MAST4: variants seen among roughly 807,000 people sequenced by gnomAD.
MAST4 encodes microtubule associated serine/threonine kinase family member 4.
MAST4 carries 89 observed loss-of-function variants against 162.7 expected under a neutral mutation model. The ratio of observed to expected loss-of-function variants is 0.55; its 90% CI spans 0.46 to 0.65. MAST4 has a LOEUF of 0.65. MAST4 is among the 30% of genes least tolerant of loss of function. The pLI, the probability that MAST4 is intolerant of heterozygous loss-of-function variation, is 0.00. For synonymous variants in MAST4, 1,479 were observed against 1,361.1 expected (o/e 1.09, Z -1.91); for missense variants, 3,153 against 3,374.0 (o/e 0.93, Z 1.62).
intron 3 of MAST4, among the ~76,000 whole-genome samples, chr5:66,820,470 T>C (rs1219974169): frequency 6.6e-6 from 1 of 152,248 alleles, no homozygotes; most frequent in African/African-American, 2.4e-5. Context: ...TATGGGACTT[T>C]GCTAAATATT....
chr5:66,846,993 A>G (rs1758901039), intron 3 of MAST4, among the ~76,000 whole-genome samples: 1 of 152,168 alleles, frequency 6.6e-6, no homozygotes, highest in South Asian at 2.1e-4. Context: ...TGCCTTCTTT[A>G]TCAGCCCCCT....
intron 4 of MAST4, among the ~76,000 whole-genome samples, chr5:66,907,801 TTTCA>T (rs1763484266): frequency 6.6e-6 from 1 of 152,130 alleles, no homozygotes. Flanking sequence ...TTTGTGAGAT[TTTCA>T]GCAAAGTAAA....
At chr5:66,945,542 G>GTAAA (rs1206749118) in intron 4 of MAST4, among the ~76,000 whole-genome samples, 1 of 152,016 alleles carries the variant, frequency 6.6e-6, no homozygotes, top group African/African-American at 2.4e-5. Context: ...TGCCTTTTGT[G>GTAAA]GGGACTGCCC....
Position 66,959,246 on chromosome 5 carries a change from C to A in MAST4, c.674+59264C>A. 5 of 779,684 alleles carry A rather than the reference C, an allele frequency of 6.4e-6. No individual in the cohort carries two copies. The East Asian group carries it at 1.2e-4, about 19-fold the overall frequency. The allele number at this position is 779,684 out of a possible 1,614,324, so 48.3% of individuals were successfully genotyped here. ...AATAGAGTGTGCTAACATATAACAACCATGAAAGCCCAGCGGGAAAGGCTA... is the reference window on the plus strand; with the variant it reads ...AATAGAGTGTGCTAACATATAACAAACATGAAAGCCCAGCGGGAAAGGCTA... On this transcript the variant is annotated intron_variant, in intron 4 of 28. Coordinates refer to ENST00000403625, the MANE Select transcript of MAST4 (RefSeq NM_001164664.2).
chr5:66,718,601 G>A (rs924432609), intron 1 of MAST4, among the ~76,000 whole-genome samples: 2 of 152,198 alleles, frequency 1.3e-5, no homozygotes, highest in African/African-American at 4.8e-5. Context: ...ATCTATTACA[G>A]TGTTGTTTTT....
chr5:66,670,701 C>T (rs1433016545), intron 1 of MAST4, among the ~76,000 whole-genome samples: 3 of 151,794 alleles, frequency 2.0e-5, no homozygotes, highest in African/African-American at 4.8e-5. Flanking sequence ...AGAGTAAGTT[C>T]CCAAGAAGAT....
chr5:67,092,664 C>A (rs35316512), intron 6 of MAST4, among the ~76,000 whole-genome samples: 3 of 152,270 alleles, frequency 2.0e-5, no homozygotes, highest in South Asian at 2.1e-4. Context: ...AAACATAGAG[C>A]CCTCCAAGAA....
At chr5:66,911,280 G>A (rs1217685920) in intron 4 of MAST4, among the ~76,000 whole-genome samples, 1 of 152,178 alleles carries the variant, frequency 6.6e-6, no homozygotes, top group Admixed American at 6.5e-5. Context: ...ATTTGCATGA[G>A]AGGAAAAAGT....
chr5:67,167,264 CAAAAAAAAAAAAAAAAA>C lies in MAST4; in HGVS notation c.*226_*242del, dbSNP rs34486167. 4 of 79,450 alleles carry C rather than the reference CAAAAAAAAAAAAAAAAA, an allele frequency of 5.0e-5. No homozygotes were observed. The highest frequency in any genetic ancestry group is 7.9e-4 in the East Asian group (2 of 2,534). 4.9% of individuals were successfully genotyped at this position (79,450 alleles called of 1,614,324 possible). On this transcript the variant is annotated 3_prime_UTR_variant, in exon 29 of 29. Coordinates refer to ENST00000403625, the MANE Select transcript of MAST4 (RefSeq NM_001164664.2). ...AAACTGTTACCAGATAGTGTTTGTA[CAAAAAAAAAAAAAAAAA>C]AAAAAAAAAAAATTACCTTTACAGT...
intron 4 of MAST4, among the ~76,000 whole-genome samples, chr5:67,035,384 T>C (rs1019259901): frequency 6.6e-6 from 1 of 152,178 alleles, no homozygotes; most frequent in Non-Finnish European, 1.5e-5. Context: ...ATACAGTATA[T>C]TGATAATTTC....
At chr5:66,744,646 G>A (rs528836378) in intron 1 of MAST4, among the ~76,000 whole-genome samples, 1 of 152,234 alleles carries the variant, frequency 6.6e-6, no homozygotes, top group African/African-American at 2.4e-5. Context: ...TACATGGCAG[G>A]AACAGGAGCA....
intron 24 of MAST4, among the ~76,000 whole-genome samples, chr5:67,151,282 G>A (rs998077880): frequency 1.3e-5 from 2 of 152,190 alleles, no homozygotes; most frequent in African/African-American, 4.8e-5. Context: ...CAAGATCAAG[G>A]TGGCGACAGT....
chr5:66,968,063 T>C (rs1027783978), intron 4 of MAST4, among the ~76,000 whole-genome samples: 18 of 152,198 alleles, frequency 1.2e-4, no homozygotes, highest in Non-Finnish European at 2.5e-4. Flanking sequence ...TCATTTCACA[T>C]TCTCAGTGGC....
chr5:66,715,525 TG>T (rs1261034153), intron 1 of MAST4, among the ~76,000 whole-genome samples: 8 of 33,982 alleles, frequency 2.4e-4, no homozygotes, highest in East Asian at 1.2e-3. Flanking sequence ...TGTTGTGGGG[TG>T]GGGGGAGGGG....
intron 1 of MAST4, among the ~76,000 whole-genome samples, chr5:66,620,191 G>A (rs1490099117): frequency 1.3e-5 from 2 of 151,974 alleles, no homozygotes; most frequent in South Asian, 2.1e-4. Flanking sequence ...CCCTGGTATA[G>A]TAGAAGGTGG....
intron 1 of MAST4, among the ~76,000 whole-genome samples, chr5:66,672,849 T>G (rs1450437180): frequency 6.6e-6 from 1 of 152,190 alleles, no homozygotes; most frequent in Non-Finnish European, 1.5e-5. Context: ...GTACATCATT[T>G]TATAATACTT....
At chr5:66,856,990 A>G (rs1759734596) in intron 3 of MAST4, among the ~76,000 whole-genome samples, 1 of 152,236 alleles carries the variant, frequency 6.6e-6, no homozygotes, top group Non-Finnish European at 1.5e-5. Flanking sequence ...TCTTTATAAA[A>G]GCAATTGGAT....
chr5:66,636,641 A>C (rs1745139409), intron 1 of MAST4, among the ~76,000 whole-genome samples: 1 of 152,130 alleles, frequency 6.6e-6, no homozygotes, highest in African/African-American at 2.4e-5. Flanking sequence ...TTGGTAAGTC[A>C]CTTGTGGTAA....
chr5:66,799,552 G>A (rs1199513527), intron 3 of MAST4, among the ~76,000 whole-genome samples: 1 of 152,080 alleles, frequency 6.6e-6, no homozygotes, highest in African/African-American at 2.4e-5. Context: ...ACTTATATTT[G>A]GTTGTGCCTA....
Sources: allele counts gnomAD v4.1 joint callset (sites outside exome capture counted in the v4.1 genomes callset), GRCh38; gene constraint gnomAD v4.1.1; transcripts MANE v1.5; gene names NCBI Gene and HGNC (gene_info 2026-07-23, HGNC 2026-07-21).